PRDM10: variants seen among roughly 807,000 people sequenced by gnomAD.
The protein encoded by PRDM10 is PR/SET domain 10.
Under a neutral mutation model 133.1 loss-of-function variants are expected in PRDM10, and 65 were observed. That is an observed-to-expected ratio of 0.49 (90% confidence interval 0.40 to 0.60). PRDM10 has a LOEUF of 0.60. Among genes scored for constraint, PRDM10 ranks in the 20% least tolerant of loss-of-function variants. The pLI is 0.00. For synonymous variants in PRDM10, 582 were observed against 580.4 expected, an observed-to-expected ratio of 1.00 and a Z score of -0.04; for missense variants, 1,137 against 1,507.1, an observed-to-expected ratio of 0.75 and a Z score of 4.07.
Position 129,949,864 on chromosome 11 carries a change from G to A in PRDM10, c.295-2494C>T, listed in dbSNP as rs546311764. 3.9e-5 allele frequency among the ~76,000 whole-genome samples: 6 copies of A among 152,138 alleles called. No individual in the cohort carries two copies. In the South Asian group the frequency reaches 1.2e-3, roughly 32 times the overall value. On this transcript the variant is annotated intron_variant, in intron 4 of 20. Coordinates refer to ENST00000360871, the MANE Select transcript of PRDM10 (RefSeq NM_199437.2). ...CAGAAGAATCACTTGAACCCAGGAG[G>A]CGGAGGTTGCAGTGAGCTGAGATCA...
chr11:129,950,707 G>A (rs992100251), intron 4 of PRDM10, among the ~76,000 whole-genome samples: 1 of 152,162 alleles, frequency 6.6e-6, no homozygotes, highest in African/African-American at 2.4e-5. Context: ...AGTGATAAAT[G>A]TTATCACATA....
intron 1 of PRDM10, among the ~76,000 whole-genome samples, chr11:129,999,906 C>A (rs1426328889): frequency 2.0e-5 from 3 of 152,132 alleles, no homozygotes; most frequent in Non-Finnish European, 4.4e-5. Context: ...GTTTTAAAAA[C>A]TAGATATTAA....
rs1216558100 is a variant in PRDM10, at chr11:129,942,443, G to C, written c.949C>G (p.Pro317Ala). ...CACTGTACCTTCAGTTCCTGCTTGG[G>C]CTCCACATTTTTTATGGTTGTATAA... ...VYYTTIKNVE[P>A]KQELKVWYAA... Residue 317 changes from proline (P) to alanine (A), a missense_variant, in exon 7 of 21, where the codon CCC becomes GCC. Transcript: ENST00000360871. 2.5e-6 allele frequency: 4 copies of C among 1,613,804 alleles called. No individual in the cohort carries two copies. The highest frequency in any genetic ancestry group is 2.7e-5 in the African/African-American group (2 of 74,862).
chr11:129,907,232 G>A lies in PRDM10; in HGVS notation c.3164-1491C>T, dbSNP rs530272346. ...AGGAACAGAAGAGCACATATTCACT[G>A]CTTGGTAACATGGGAATCCCACCAG... On this transcript the variant is annotated intron_variant, in intron 19 of 20. Coordinates refer to ENST00000360871, the MANE Select transcript of PRDM10 (RefSeq NM_199437.2). Among the ~76,000 whole-genome samples, 4 of 152,300 alleles carry A rather than the reference G, an allele frequency of 2.6e-5. No homozygotes were observed. In the East Asian group the frequency reaches 7.7e-4, roughly 29 times the overall value.
intron 15 of PRDM10, among the ~76,000 whole-genome samples, chr11:129,916,553 G>T (rs1413838195): frequency 6.6e-6 from 1 of 152,194 alleles, no homozygotes; most frequent in African/African-American, 2.4e-5. Context: ...CAGGAGAATC[G>T]CTTGAACCCA....
In PRDM10 at chr11:129,937,267, T is replaced by C. The variant is rs554786308; in HGVS notation, c.1039+331A>G. On this transcript the variant is annotated intron_variant, in intron 8 of 20. Coordinates refer to ENST00000360871, the MANE Select transcript of PRDM10 (RefSeq NM_199437.2). ...TTTCTGTATGTAGATTATACTTCAG[T>C]GACATTTGCATTAAAAACAAAGCCA... Among the ~76,000 whole-genome samples the C allele has an allele frequency of 4.6e-4, 70 of 152,350 alleles. No homozygotes were observed. In the South Asian group the frequency reaches 6.0e-3, roughly 13 times the overall value.
At chr11:129,934,739 A>G (rs1950973827) in intron 9 of PRDM10, among the ~76,000 whole-genome samples, 2 of 152,238 alleles carry the variant, frequency 1.3e-5, no homozygotes, top group African/African-American at 4.8e-5. Context: ...GGAATTAAAC[A>G]TATGACTTGG....
intron 8 of PRDM10, 21 bp from the exon 9 acceptor site, chr11:129,935,239 T>G: frequency 6.3e-7 from 1 of 1,582,020 alleles, no homozygotes; most frequent in Non-Finnish European, 8.7e-7. Flanking sequence ...AGGAGAGAAA[T>G]CATAAAGGCT....
intron 11 of PRDM10, among the ~76,000 whole-genome samples, chr11:129,930,233 T>C (rs1459324654): frequency 8.5e-5 from 13 of 152,234 alleles, no homozygotes; most frequent in Admixed American, 8.5e-4. Flanking sequence ...TACTGGAAAG[T>C]ACCAATATGT....
In PRDM10 at chr11:129,915,771, GGGTCGGAGCTTCCGAATGCTC is replaced by G; in HGVS notation, c.2394_2414del (p.Ser799_Pro805del). 1 of 1,614,208 alleles carries G rather than the reference GGGTCGGAGCTTCCGAATGCTC, an allele frequency of 6.2e-7. No homozygotes were observed. On this transcript the variant is annotated inframe_deletion, in exon 16 of 21. Coordinates refer to ENST00000360871, the MANE Select transcript of PRDM10 (RefSeq NM_199437.2). The stretch of plus-strand genomic sequence containing the variant: ...TGGGGTCTGGCTCTCCAGGACCAGC[GGGTCGGAGCTTCCGAATGCTC>G]GGTGGGAGCTCTGCTCCTGGGTGGT...
chr11:129,910,798 T>C, intron 18 of PRDM10, 142 bp from the exon 19 acceptor site: 2 of 886,118 alleles, frequency 2.3e-6, no homozygotes, highest in Non-Finnish European at 3.2e-6. Context: ...TCTTTTGAGA[T>C]GGAGTTTCAC....
At position 129,947,288 on chromosome 11, in the gene PRDM10, G is replaced by A; in HGVS notation, c.377C>T (p.Pro126Leu). Residue 126 changes from proline (P) to leucine (L), a missense_variant, in exon 5 of 21, where the codon CCT (proline) becomes CTT (leucine). Around this residue, in one of 6 missense-constraint regions of PRDM10, gnomAD observed 635 missense variants for 835.2 expected, o/e 0.76. Transcript: ENST00000360871. The surrounding 1 kb of genome is among the most constrained non-coding windows in gnomAD (Gnocchi z 4.6). ...CTCTTTGGCCTCCAGTCTGCCTAGAGGGGTCTGCAGAGTTGCCAAAGGGTC... is the reference window on the plus strand; with the variant it reads ...CTCTTTGGCCTCCAGTCTGCCTAGAAGGGTCTGCAGAGTTGCCAAAGGGTC... ...GSDPLATLQTPLGRLEAKEEE... is the reference protein window; with the variant it reads ...GSDPLATLQTLLGRLEAKEEE... 6.2e-7 allele frequency: 1 copy of A among 1,614,120 alleles called. No individual in the cohort carries two copies. Among genetic ancestry groups the A allele is most frequent in the Non-Finnish European group, 8.5e-7 (1 of 1,180,020 alleles).
chr11:129,904,175 A>G (rs1286391855), intron 20 of PRDM10, among the ~76,000 whole-genome samples: 1 of 149,322 alleles, frequency 6.7e-6, no homozygotes, highest in Non-Finnish European at 1.5e-5. Context: ...AAAAAAAAAA[A>G]GGAGAAAAAA....
At chr11:129,904,918 GCC>G (rs1312060603) in intron 20 of PRDM10, among the ~76,000 whole-genome samples, 1 of 152,226 alleles carries the variant, frequency 6.6e-6, no homozygotes, top group Non-Finnish European at 1.5e-5. Context: ...CATTGTACCT[GCC>G]CAACTTAGAT....
intron 11 of PRDM10, among the ~76,000 whole-genome samples, chr11:129,928,026 G>A (rs11827969): frequency 0.12 from 18,256 of 152,178 alleles, 1,745 homozygotes; most frequent in East Asian, 0.4. Flanking sequence ...TGTGATTTGG[G>A]ATTCAACTCA....
At chr11:129,954,622 T>C (rs1179293690) in intron 4 of PRDM10, among the ~76,000 whole-genome samples, 1 of 152,052 alleles carries the variant, frequency 6.6e-6, no homozygotes, top group African/African-American at 2.4e-5. Context: ...CACTCAGTAA[T>C]ATAGACAAAT....
Position 129,947,009 on chromosome 11 carries a change from CA to C in PRDM10, c.520+135del. ...GCAGTGAAGGCCAGGTGGGATGAAG[CA>C]AGCAGAGAATGTAGCACAGTTGGCT... On this transcript the variant is annotated intron_variant, in intron 5 of 20. Transcript: ENST00000360871. The surrounding 1 kb of genome is among the most constrained non-coding windows in gnomAD (Gnocchi z 4.6). 1.6e-6 allele frequency: 2 copies of C among 1,226,338 alleles called. No individual in the cohort carries two copies. Among genetic ancestry groups the C allele is most frequent in the South Asian group, 2.9e-5 (2 of 69,564 alleles). 76.0% of individuals were successfully genotyped at this position (1,226,338 alleles called of 1,614,324 possible).
intron 3 of PRDM10, among the ~76,000 whole-genome samples, chr11:129,956,395 C>T (rs1489919625): frequency 6.6e-6 from 1 of 152,150 alleles, no homozygotes; most frequent in Non-Finnish European, 1.5e-5. Context: ...AAAACACCAT[C>T]TCTACTAAAA....
At chr11:129,904,910 T>C (rs1296028001) in intron 20 of PRDM10, among the ~76,000 whole-genome samples, 3 of 152,320 alleles carry the variant, frequency 2.0e-5, no homozygotes, top group South Asian at 2.1e-4. Context: ...ACAATCAACA[T>C]TGTACCTGCC....
Sources: gnomAD v4.1 joint callset for allele counts (sites outside exome capture counted in the v4.1 genomes callset) on GRCh38, gnomAD v4.1.1 for gene constraint, gnomAD v4.1.1 regional missense constraint, Gnocchi (gnomAD v3.1) non-coding constraint, MANE v1.5 for transcripts, NCBI Gene and HGNC (gene_info 2026-07-23, HGNC 2026-07-21) for gene names.